PHLPP1: variants seen among roughly 807,000 people sequenced by gnomAD.
The protein encoded by PHLPP1 is PH domain leucine-rich repeat-containing protein phosphatase 1.
Under a neutral mutation model 117.2 loss-of-function variants are expected in PHLPP1, and 42 were observed. That is an observed-to-expected ratio of 0.36 (90% confidence interval 0.28 to 0.46). PHLPP1 has a LOEUF of 0.46. PHLPP1 is among the 20% of genes least tolerant of loss of function. PHLPP1 has a pLI of 1.00. For missense variants in PHLPP1, 2,084 were observed against 2,241.9 expected (o/e 0.93, Z 1.42); for synonymous variants, 1,042 against 970.7 (o/e 1.07, Z -1.37).
intron 15 of PHLPP1, among the ~76,000 whole-genome samples, chr18:62,974,818 T>C (rs985648817): frequency 6.6e-6 from 1 of 152,094 alleles, no homozygotes; most frequent in African/African-American, 2.4e-5. Context: ...TAGATGGTGC[T>C]GGTCCAGAAA....
intron 6 of PHLPP1, 75 bp downstream of exon 6, chr18:62,896,086 C>T (rs1021133221): frequency 2.5e-6 from 2 of 813,716 alleles, no homozygotes; most frequent in Non-Finnish European, 4.0e-6. Flanking sequence ...GGTTATTAAC[C>T]AAGGCAAACA....
chr18:62,819,648 A>T lies in PHLPP1; in HGVS notation c.1577-10387A>T, dbSNP rs147079104. Among the ~76,000 whole-genome samples, 281 of 152,262 alleles carry T rather than the reference A, an allele frequency of 1.8e-3. 1 individual carries two copies. Among genetic ancestry groups the T allele is most frequent in the Admixed American group, 2.9e-3 (45 of 15,268 alleles). On this transcript the variant is annotated intron_variant, in intron 1 of 16. Coordinates refer to ENST00000262719, the MANE Select transcript of PHLPP1 (RefSeq NM_194449.4). ...GCCTACAAGAAACCTATTTTATTTT[A>T]TTATTATTTATTTAGAGACAGAATT...
intron 3 of PHLPP1, among the ~76,000 whole-genome samples, chr18:62,850,007 AAC>A (rs1312543129): frequency 2.0e-5 from 3 of 150,724 alleles, no homozygotes; most frequent in Non-Finnish European, 4.4e-5. Flanking sequence ...CAATTGAAAA[AAC>A]AATCTATAAA....
intron 2 of PHLPP1, among the ~76,000 whole-genome samples, chr18:62,836,261 C>A (rs957871591): frequency 9.3e-5 from 14 of 151,008 alleles, no homozygotes; most frequent in Non-Finnish European, 1.9e-4. Context: ...TGGTGAAACC[C>A]TGTCTTTACT....
chr18:62,835,834 A>T (rs1453872872), intron 2 of PHLPP1, among the ~76,000 whole-genome samples: 2 of 133,002 alleles, frequency 1.5e-5, no homozygotes, highest in African/African-American at 5.8e-5. Context: ...AGGCTGGAGC[A>T]CACTGGCACA....
At chr18:62,860,296 C>T in intron 3 of PHLPP1, 139 bp from the exon 4 acceptor site, 1 of 691,038 alleles carries the variant, frequency 1.4e-6, no homozygotes, top group Non-Finnish European at 2.5e-6. Context: ...TGACTGAATA[C>T]TCTGTTGGTT....
rs1910686924 is a variant in PHLPP1 at position 62,958,634 on chromosome 18, G to A, written c.3330G>A (p.Val1110=). Residue 1110 remains valine (V), a synonymous_variant, in exon 13 of 17, where the codon GTG becomes GTA. Transcript: ENST00000262719. The stretch of plus-strand genomic sequence containing the variant: ...TGCACTTGTTCTTTTTTCAGTGTGT[G>A]GACCTGAGCTGTAATGAGCTAAGTG... ...EVMQLPEIKC[V]DLSCNELSEV... is the part of the protein sequence containing the mutation. 1 of 1,613,756 alleles carries A rather than the reference G, an allele frequency of 6.2e-7. No homozygotes were observed. Among genetic ancestry groups the A allele is most frequent in the African/African-American group, 1.3e-5 (1 of 74,986 alleles).
At chr18:62,924,168 T>C (rs1909556238) in intron 10 of PHLPP1, among the ~76,000 whole-genome samples, 2 of 152,362 alleles carry the variant, frequency 1.3e-5, no homozygotes, top group South Asian at 4.1e-4. Flanking sequence ...TGTTGGATGA[T>C]ACAAAGCTGT....
At chr18:62,740,929 A>G (rs1911507542) in intron 1 of PHLPP1, among the ~76,000 whole-genome samples, 1 of 152,132 alleles carries the variant, frequency 6.6e-6, no homozygotes, top group Non-Finnish European at 1.5e-5. Context: ...AGCCGAGATC[A>G]TGCCACTGCA....
chr18:62,779,897 C>T (rs924392070), intron 1 of PHLPP1, among the ~76,000 whole-genome samples: 1 of 152,132 alleles, frequency 6.6e-6, no homozygotes, highest in African/African-American at 2.4e-5. Context: ...AGATTGAGAG[C>T]TCTCTGGGCT....
At chr18:62,762,296 AC>A (rs1912271529) in intron 1 of PHLPP1, among the ~76,000 whole-genome samples, 1 of 151,016 alleles carries the variant, frequency 6.6e-6, no homozygotes, top group African/African-American at 2.4e-5. Context: ...CTGACACTGA[AC>A]CCAAGTCTTT....
intron 1 of PHLPP1, among the ~76,000 whole-genome samples, chr18:62,726,334 G>T (rs117730619): frequency 8.6e-5 from 13 of 151,422 alleles, no homozygotes; most frequent in South Asian, 2.1e-4. Context: ...TTTTTTTTTG[G>T]GGGGGTTGGA....
chr18:62,770,743 G>A (rs541170174), intron 1 of PHLPP1, among the ~76,000 whole-genome samples: 1 of 151,766 alleles, frequency 6.6e-6, no homozygotes, highest in Admixed American at 6.6e-5. Flanking sequence ...ATTTTTTTGG[G>A]GGGGGTGGGG....
At chr18:62,965,258 T>C (rs538454898) in intron 14 of PHLPP1, among the ~76,000 whole-genome samples, 1 of 152,244 alleles carries the variant, frequency 6.6e-6, no homozygotes, top group East Asian at 1.9e-4. Flanking sequence ...TCAATAGTTA[T>C]TTAAACACAG....
chr18:62,882,976 G>A (rs1281287976), intron 4 of PHLPP1, among the ~76,000 whole-genome samples: 4 of 150,244 alleles, frequency 2.7e-5, no homozygotes, highest in African/African-American at 9.8e-5. Flanking sequence ...AAAAAGAAAG[G>A]ATGACTTATT....
chr18:62,920,327 TG>T (rs1442659450), intron 10 of PHLPP1, among the ~76,000 whole-genome samples: 1 of 152,220 alleles, frequency 6.6e-6, no homozygotes, highest in African/African-American at 2.4e-5. Flanking sequence ...TGCTGCTCTC[TG>T]GAGCAAAGTA....
intron 1 of PHLPP1, among the ~76,000 whole-genome samples, chr18:62,757,557 A>G (rs1389046537): frequency 6.6e-6 from 1 of 152,216 alleles, no homozygotes; most frequent in Admixed American, 6.5e-5. Flanking sequence ...TTTCAGGGCT[A>G]ACCTTCACTC....
intron 3 of PHLPP1, among the ~76,000 whole-genome samples, chr18:62,852,365 A>G (rs1301677212): frequency 1.3e-5 from 2 of 151,964 alleles, no homozygotes; most frequent in Non-Finnish European, 1.5e-5. Flanking sequence ...ATTTTTTGAG[A>G]TGGAGTCTCA....
intron 12 of PHLPP1, among the ~76,000 whole-genome samples, chr18:62,947,227 C>T (rs1258703223): frequency 6.6e-6 from 1 of 152,154 alleles, no homozygotes; most frequent in Non-Finnish European, 1.5e-5. Context: ...AGAATTGGTA[C>T]TTCCTTTATA....
Sources: gnomAD v4.1 joint callset for allele counts (sites outside exome capture counted in the v4.1 genomes callset) on GRCh38, gnomAD v4.1.1 for gene constraint, MANE v1.5 for transcripts, NCBI Gene and HGNC (gene_info 2026-07-23, HGNC 2026-07-21) for gene names.